CAMK4: variants seen among roughly 807,000 people sequenced by gnomAD.
CAMK4 encodes the protein calcium/calmodulin-dependent protein kinase type IV.
In CAMK4, 22 loss-of-function variants were observed where a neutral mutation model predicts 44.9. That is an observed-to-expected ratio of 0.49 (90% confidence interval 0.35 to 0.70). CAMK4 has a LOEUF of 0.70. CAMK4 is among the 30% of genes least tolerant of loss of function. The pLI, the probability that CAMK4 is intolerant of heterozygous loss-of-function variation, is 0.01. For synonymous variants in CAMK4, 218 were observed against 215.4 expected (o/e 1.01, Z -0.11); for missense variants, 498 against 586.8 (o/e 0.85, Z 1.56).
chr5:111,385,627 G>A (rs1357799398), intron 4 of CAMK4, among the ~76,000 whole-genome samples: 1 of 152,106 alleles, frequency 6.6e-6, no homozygotes, highest in Non-Finnish European at 1.5e-5. Context: ...AGGCTGGAGT[G>A]CAGTGGCGTG....
chr5:111,484,338 C>T lies in CAMK4; in HGVS notation c.1294C>T (p.Leu432=). 1.2e-6 allele frequency: 2 copies of T among 1,613,654 alleles called. No individual in the cohort carries two copies. The highest frequency in any genetic ancestry group is 1.7e-6 in the Non-Finnish European group (2 of 1,179,854). ...TGGGATAAAGGTGGCTGACCTGGAA[C>T]TAGAGGAGGGCCTAGCAGAGGAGAA... The part of the protein sequence containing the change: ...EDGIKVADLE[L]EEGLAEEKLK... The change falls in exon 11 of 11, where the codon CTA becomes TTA. Residue 432 remains leucine (L), a synonymous_variant. Transcript: ENST00000282356. The surrounding 1 kb of genome is among the most constrained non-coding windows in gnomAD (Gnocchi z 5.3).
chr5:111,465,163 A>G (rs755205509), intron 7 of CAMK4, among the ~76,000 whole-genome samples: 3 of 152,020 alleles, frequency 2.0e-5, no homozygotes, highest in African/African-American at 4.8e-5. Context: ...CCTACTAATG[A>G]TGGTGTTGCC....
At position 111,231,478 on chromosome 5, in the gene CAMK4, A is replaced by G. The variant is rs1482327013; in HGVS notation, c.161+6834A>G. Among the ~76,000 whole-genome samples, 4 of 152,154 alleles carry G rather than the reference A, an allele frequency of 2.6e-5. No individual in the cohort carries two copies. The East Asian group carries it at 7.7e-4, about 29-fold the overall frequency. On this transcript the variant is annotated intron_variant, in intron 1 of 10. Transcript: ENST00000282356. ...CAAAACTGTCTCTAAACATTGTCAAATGTGTCCCCTCTCTCCTCTTGAGAA... is the reference window on the plus strand; with the variant it reads ...CAAAACTGTCTCTAAACATTGTCAAGTGTGTCCCCTCTCTCCTCTTGAGAA...
chr5:111,440,150 A>G (rs539270383), intron 5 of CAMK4, among the ~76,000 whole-genome samples: 6 of 152,258 alleles, frequency 3.9e-5, no homozygotes, highest in African/African-American at 1.2e-4. Context: ...AGTCTAGAGC[A>G]TACTAATGTG....
rs1009581406 is a variant in CAMK4, at chr5:111,268,279, G to T, written c.161+43635G>T. 3.3e-5 allele frequency among the ~76,000 whole-genome samples: 5 copies of T among 152,298 alleles called. No individual in the cohort carries two copies. In the South Asian group the frequency reaches 6.2e-4, roughly 19 times the overall value. On this transcript the variant is annotated intron_variant, in intron 1 of 10. Coordinates refer to ENST00000282356, the MANE Select transcript of CAMK4 (RefSeq NM_001744.6). ...AATCCCTTGAAAGCCACTTTGAGATGATCATAATTCTTATTCAAATAAGAA... is the reference window on the plus strand; with the variant it reads ...AATCCCTTGAAAGCCACTTTGAGATTATCATAATTCTTATTCAAATAAGAA...
chr5:111,478,459 C>CT lies in CAMK4; in HGVS notation c.783dup (p.Ile262TyrfsTer7). On this transcript the variant is annotated frameshift_variant, in exon 9 of 11. Transcript: ENST00000282356. LOFTEE classifies it high-confidence loss of function. The stretch of plus-strand genomic sequence containing the variant: ...GGAGAATTCTGAATTGTGAATATTA[C>CT]TTTATCTCCCCCTGGTGGGATGAAG... 1 of 1,557,436 alleles carries CT rather than the reference C, an allele frequency of 6.4e-7. No homozygotes were observed. Among genetic ancestry groups the CT allele is most frequent in the Non-Finnish European group, 8.8e-7 (1 of 1,131,672 alleles).
At chr5:111,429,816 T>TA (rs1474403427) in intron 5 of CAMK4, among the ~76,000 whole-genome samples, 3 of 36,858 alleles carry the variant, frequency 8.1e-5, no homozygotes, top group African/African-American at 2.9e-4. Flanking sequence ...AAAGCCGTAA[T>TA]AAAAAACCTC....
chr5:111,271,991 T>C (rs574983007), intron 1 of CAMK4, among the ~76,000 whole-genome samples: 1 of 152,276 alleles, frequency 6.6e-6, no homozygotes, highest in South Asian at 2.1e-4. Context: ...AGAAGTATTA[T>C]CTGAGTATCT....
At chr5:111,394,888 A>G (rs1370899958) in intron 5 of CAMK4, 106 bp downstream of exon 5, 2 of 724,562 alleles carry the variant, frequency 2.8e-6, no homozygotes, top group African/African-American at 3.6e-5. Context: ...ATTTTACAGC[A>G]TAAAGTTGTG....
At chr5:111,313,370 C>T (rs1281702955) in intron 1 of CAMK4, among the ~76,000 whole-genome samples, 1 of 152,050 alleles carries the variant, frequency 6.6e-6, no homozygotes, top group South Asian at 2.1e-4. Context: ...CTCTATTGAA[C>T]GGTCTGTTAG....
intron 4 of CAMK4, among the ~76,000 whole-genome samples, chr5:111,380,530 A>G (rs1751374792): frequency 1.3e-5 from 2 of 152,082 alleles, no homozygotes; most frequent in African/African-American, 4.8e-5. Context: ...CCACCCTTCA[A>G]AAGGCCCCAA....
chr5:111,465,690 C>A (rs1442112060), intron 7 of CAMK4, among the ~76,000 whole-genome samples: 1 of 152,092 alleles, frequency 6.6e-6, no homozygotes, highest in East Asian at 1.9e-4. Context: ...CAATAAGAAG[C>A]AGCAAGATTG....
intron 7 of CAMK4, among the ~76,000 whole-genome samples, chr5:111,450,265 C>A (rs568695837): frequency 8.4e-4 from 128 of 152,240 alleles, no homozygotes; most frequent in African/African-American, 3.0e-3. Context: ...ACCCAGGAGG[C>A]GGAGGTTGCA....
chr5:111,336,472 A>G (rs1272612777), intron 1 of CAMK4, among the ~76,000 whole-genome samples: 1 of 115,558 alleles, frequency 8.7e-6, no homozygotes, highest in Non-Finnish European at 1.8e-5. Flanking sequence ...TCAATTAATA[A>G]TATAGGTTAT....
At chr5:111,475,195 G>C (rs1343493253) in intron 8 of CAMK4, among the ~76,000 whole-genome samples, 1 of 151,942 alleles carries the variant, frequency 6.6e-6, no homozygotes. Context: ...AAAAGAAAAA[G>C]AAAAGCTTGA....
intron 1 of CAMK4, among the ~76,000 whole-genome samples, chr5:111,295,157 T>C (rs1747431387): frequency 6.6e-6 from 1 of 152,190 alleles, no homozygotes; most frequent in South Asian, 2.1e-4. Context: ...TTCGCCCAAA[T>C]TGGTTTCCCC....
At chr5:111,289,353 A>G (rs1751356631) in intron 1 of CAMK4, among the ~76,000 whole-genome samples, 2 of 152,214 alleles carry the variant, frequency 1.3e-5, no homozygotes, top group Admixed American at 1.3e-4. Flanking sequence ...GTCTCAAAAA[A>G]GAAGAAAAAG....
At chr5:111,325,810 C>G (rs1401958585) in intron 1 of CAMK4, among the ~76,000 whole-genome samples, 1 of 151,794 alleles carries the variant, frequency 6.6e-6, no homozygotes, top group Non-Finnish European at 1.5e-5. Flanking sequence ...CAAAACTTTT[C>G]TACCATTCTG....
chr5:111,480,353 G>A (rs1755394572), intron 9 of CAMK4, among the ~76,000 whole-genome samples: 1 of 150,288 alleles, frequency 6.7e-6, no homozygotes, highest in African/African-American at 2.5e-5. Flanking sequence ...GGCATGGTCG[G>A]CCTTCCCCTT....
Sources: gnomAD v4.1 joint callset for allele counts (sites outside exome capture counted in the v4.1 genomes callset) on GRCh38, gnomAD v4.1.1 for gene constraint, Gnocchi (gnomAD v3.1) non-coding constraint, MANE v1.5 for transcripts, NCBI Gene and HGNC (gene_info 2026-07-23, HGNC 2026-07-21) for gene names.